PCOLCE2: variants seen among roughly 807,000 people sequenced by gnomAD.
PCOLCE2 encodes the protein procollagen C-proteinase enhancer 2.
Under a neutral mutation model 47.0 loss-of-function variants are expected in PCOLCE2, and 42 were observed. That is an observed-to-expected ratio of 0.89 (90% CI 0.70 to 1.16). The LOEUF (loss-of-function observed/expected upper bound fraction) is 1.16. PCOLCE2 is among the 50% of genes most tolerant of loss of function. The pLI, the probability that PCOLCE2 is intolerant of heterozygous loss-of-function variation, is 0.00. For synonymous variants in PCOLCE2, 169 were observed against 191.7 expected (o/e 0.88, Z 0.98); for missense variants, 500 against 526.1 (o/e 0.95, Z 0.49).
At chr3:142,882,298 G>A (rs1034152562) in intron 2 of PCOLCE2, among the ~76,000 whole-genome samples, 26 of 151,800 alleles carry the variant, frequency 1.7e-4, no homozygotes, top group African/African-American at 5.6e-4. Flanking sequence ...CTTCCTCCTC[G>A]GCCTCCCAAA....
chr3:142,829,161 C>G lies in PCOLCE2; in HGVS notation c.865+531G>C, dbSNP rs73864460. Reference sequence around the variant, plus strand: ...CTCCCTACATACATGCCTCAGCCCCCCAGGCCAGTTTCCCAACCAGCCTCT... The same window carrying G: ...CTCCCTACATACATGCCTCAGCCCCGCAGGCCAGTTTCCCAACCAGCCTCT... On this transcript the variant is annotated intron_variant, in intron 6 of 8. Coordinates refer to ENST00000295992, the MANE Select transcript of PCOLCE2 (RefSeq NM_013363.4). 2.4e-3 allele frequency among the ~76,000 whole-genome samples: 369 copies of G among 152,176 alleles called. 1 individual carries two copies. Among genetic ancestry groups the G allele is most frequent in the African/African-American group, 8.7e-3 (361 of 41,482 alleles).
intron 2 of PCOLCE2, among the ~76,000 whole-genome samples, chr3:142,868,500 T>C (rs1933325297): frequency 6.6e-6 from 1 of 152,174 alleles, no homozygotes; most frequent in Non-Finnish European, 1.5e-5. Context: ...CTTTTGGGAT[T>C]ACCTGCTCCA....
intron 2 of PCOLCE2, among the ~76,000 whole-genome samples, chr3:142,858,519 T>C (rs1303455609): frequency 6.6e-6 from 1 of 152,184 alleles, no homozygotes; most frequent in East Asian, 1.9e-4. Context: ...TATATGTGCG[T>C]GCGTGTGTGT....
At chr3:142,867,603 T>C (rs1257259553) in intron 2 of PCOLCE2, among the ~76,000 whole-genome samples, 1 of 152,050 alleles carries the variant, frequency 6.6e-6, no homozygotes, top group Non-Finnish European at 1.5e-5. Context: ...AATATGCACA[T>C]GAAAAAAGAG....
At chr3:142,885,904 C>T (rs1358954441) in intron 2 of PCOLCE2, among the ~76,000 whole-genome samples, 1 of 152,176 alleles carries the variant, frequency 6.6e-6, no homozygotes, top group African/African-American at 2.4e-5. Context: ...CATTCCATTC[C>T]AGCCACTCCA....
At chr3:142,880,174 G>A (rs1278095146) in intron 2 of PCOLCE2, among the ~76,000 whole-genome samples, 1 of 150,244 alleles carries the variant, frequency 6.7e-6, no homozygotes, top group African/African-American at 2.5e-5. Context: ...TCAAGCATTG[G>A]GTTAAATTAC....
Position 142,821,050 on chromosome 3 carries a change from A to G in PCOLCE2, c.950-5T>C. The G allele has an allele frequency of 2.5e-6, 4 of 1,590,928 alleles. No homozygotes were observed. The highest frequency in any genetic ancestry group is 3.4e-6 in the Non-Finnish European group (4 of 1,160,826). On this transcript the variant is annotated splice_region_variant and splice_polypyrimidine_tract_variant and intron_variant, in intron 7 of 8. Transcript: ENST00000295992. Reference sequence around the variant, plus strand: ...TGATAACAGTGCCGGCTAATACTGCAGAAGAAAACATTTTGAAGTGATGTG... The same window carrying G: ...TGATAACAGTGCCGGCTAATACTGCGGAAGAAAACATTTTGAAGTGATGTG...
At chr3:142,828,886 G>A (rs1405714629) in intron 6 of PCOLCE2, among the ~76,000 whole-genome samples, 1 of 152,232 alleles carries the variant, frequency 6.6e-6, no homozygotes, top group Admixed American at 6.5e-5. Flanking sequence ...ACACAGTGGC[G>A]CACTTGCAGA....
At position 142,856,005 on chromosome 3, in the gene PCOLCE2, C is replaced by A. The variant is rs1162679691; in HGVS notation, c.193-7533G>T. Among the ~76,000 whole-genome samples, 3 of 152,316 alleles carry A rather than the reference C, an allele frequency of 2.0e-5. No homozygotes were observed. In the East Asian group the frequency reaches 5.8e-4, roughly 29 times the overall value. ...GTGACATTCACCAGGTGTCCTTACC[C>A]AGCACCTCTGTGGCAGGTAACTGTA... On this transcript the variant is annotated intron_variant, in intron 2 of 8. Transcript: ENST00000295992.
chr3:142,888,280 G>T (rs1933751856), intron 1 of PCOLCE2, among the ~76,000 whole-genome samples: 1 of 152,336 alleles, frequency 6.6e-6, no homozygotes, highest in East Asian at 1.9e-4. Flanking sequence ...GTTGATGGAG[G>T]CTGAAGAGGT....
intron 2 of PCOLCE2, among the ~76,000 whole-genome samples, chr3:142,874,519 T>C (rs1933461622): frequency 6.6e-6 from 1 of 152,368 alleles, no homozygotes; most frequent in South Asian, 2.1e-4. Flanking sequence ...TAAAACTCTT[T>C]TCTTTATAAA....
chr3:142,818,705 A>G (rs1578025609), intron 8 of PCOLCE2, among the ~76,000 whole-genome samples: 1 of 152,138 alleles, frequency 6.6e-6, no homozygotes, highest in African/African-American at 2.4e-5. Context: ...CTCAGACTCC[A>G]AAGTAGCTGG....
chr3:142,823,757 G>A (rs1280350726), intron 6 of PCOLCE2, 142 bp from the exon 7 acceptor site: 13 of 598,066 alleles, frequency 2.2e-5, no homozygotes, highest in Non-Finnish European at 3.3e-5. Flanking sequence ...TTAAAACCAC[G>A]CAAAATAAAT....
chr3:142,885,795 C>T (rs949317302), intron 2 of PCOLCE2, among the ~76,000 whole-genome samples: 14 of 152,164 alleles, frequency 9.2e-5, no homozygotes, highest in Admixed American at 6.5e-5. Context: ...TGCTTAAGAT[C>T]TTCCAGTGAC....
At chr3:142,887,582 A>T in intron 2 of PCOLCE2, 87 bp downstream of exon 2, 1 of 718,720 alleles carries the variant, frequency 1.4e-6, no homozygotes. Context: ...CTCTTACTCA[A>T]ATCCTAACAC....
At chr3:142,819,022 T>C (rs1936984000) in intron 8 of PCOLCE2, among the ~76,000 whole-genome samples, 1 of 152,204 alleles carries the variant, frequency 6.6e-6, no homozygotes, top group Non-Finnish European at 1.5e-5. Flanking sequence ...TTTCCTGGCA[T>C]TTGGCAACCA....
At chr3:142,883,625 G>C (rs573602812) in intron 2 of PCOLCE2, among the ~76,000 whole-genome samples, 122 of 151,262 alleles carry the variant, frequency 8.1e-4, no homozygotes, top group African/African-American at 2.9e-3. Flanking sequence ...CACCACGTTG[G>C]CCAGGCTGGT....
At chr3:142,833,264 C>T (rs1362972461) in intron 5 of PCOLCE2, among the ~76,000 whole-genome samples, 2 of 152,118 alleles carry the variant, frequency 1.3e-5, no homozygotes, top group African/African-American at 4.8e-5. Flanking sequence ...TCTTGGCTCA[C>T]TGCAACTTCC....
chr3:142,863,108 A>G (rs994481189), intron 2 of PCOLCE2, among the ~76,000 whole-genome samples: 13 of 151,438 alleles, frequency 8.6e-5, no homozygotes, highest in African/African-American at 2.9e-4. Context: ...AAAAAAAAAA[A>G]AAAAAAAAAA....
Sources: gnomAD v4.1 joint callset for allele counts (sites outside exome capture counted in the v4.1 genomes callset) on GRCh38, gnomAD v4.1.1 for gene constraint, MANE v1.5 for transcripts, NCBI Gene and HGNC (gene_info 2026-07-23, HGNC 2026-07-21) for gene names.